Variants in CMPK1 observed in about 807,000 individuals in gnomAD.
CMPK1 encodes the protein UMP-CMP kinase.
In CMPK1, 10 loss-of-function variants were observed where a neutral mutation model predicts 25.7. The ratio of observed to expected loss-of-function variants is 0.39; its 90% CI spans 0.24 to 0.66. The LOEUF (loss-of-function observed/expected upper bound fraction) is 0.66. Ranked by LOEUF, CMPK1 falls within the 30% of genes least tolerant of loss-of-function variation. The pLI is 0.48. For synonymous variants in CMPK1, 106 were observed against 101.5 expected (o/e 1.04, Z -0.27); for missense variants, 199 against 280.5 (o/e 0.71, Z 2.08).
chr1:47,369,570 C>CT lies in CMPK1; in HGVS notation c.318+965dup, dbSNP rs1313035573. On this transcript the variant is annotated intron_variant, in intron 2 of 5. Transcript: ENST00000371873. ...TCCTTTTTTCTTTTTTGCTTGCTTTCTTTTTTTTTTGAGATAGAGTCTCGC... is the reference window on the plus strand; with the variant it reads ...TCCTTTTTTCTTTTTTGCTTGCTTTCTTTTTTTTTTTGAGATAGAGTCTCGC... Among the ~76,000 whole-genome samples, 262 of 149,584 alleles carry CT rather than the reference C, an allele frequency of 1.8e-3. 2 individuals carry two copies. Among genetic ancestry groups the CT allele is most frequent in the African/African-American group, 4.8e-3 (198 of 40,904 alleles).
intron 1 of CMPK1, among the ~76,000 whole-genome samples, chr1:47,334,679 C>G (rs993282780): frequency 6.6e-6 from 1 of 152,210 alleles, no homozygotes; most frequent in Admixed American, 6.5e-5. Context: ...CGCTGGCACT[C>G]TCGAGCCCCG....
At chr1:47,349,091 G>A (rs1646504130) in intron 1 of CMPK1, among the ~76,000 whole-genome samples, 1 of 152,186 alleles carries the variant, frequency 6.6e-6, no homozygotes, top group African/African-American at 2.4e-5. Flanking sequence ...CTGAATCAAG[G>A]TGGGTCAAAT....
chr1:47,359,032 G>A (rs1646582539), intron 1 of CMPK1, among the ~76,000 whole-genome samples: 1 of 152,102 alleles, frequency 6.6e-6, no homozygotes, highest in Admixed American at 6.6e-5. Flanking sequence ...TAAGAAAGAA[G>A]TACAGGCCAG....
intron 1 of CMPK1, among the ~76,000 whole-genome samples, chr1:47,355,758 C>T (rs566004938): frequency 3.0e-4 from 46 of 152,032 alleles, no homozygotes; most frequent in African/African-American, 1.1e-3. Flanking sequence ...AGGCATGTAC[C>T]ACCACACCTG....
chr1:47,378,731 C>A lies in CMPK1; in HGVS notation c.*1986C>A, dbSNP rs1402821724. The A allele has an allele frequency of 6.6e-6, 1 of 151,848 alleles. No individual in the cohort carries two copies. Among genetic ancestry groups the A allele is most frequent in the African/African-American group, 2.4e-5 (1 of 41,352 alleles). The allele number at this position is 151,848 out of a possible 1,614,324, so 9.4% of individuals were successfully genotyped here. Reference sequence around the variant, plus strand: ...GAATGTTTTGAGTTTTTTGAAAGACCCCAATTTAAGCCTTGCTTATTTTTA... The same window carrying A: ...GAATGTTTTGAGTTTTTTGAAAGACACCAATTTAAGCCTTGCTTATTTTTA... On this transcript the variant is annotated 3_prime_UTR_variant, in exon 6 of 6. Transcript: ENST00000371873.
chr1:47,348,429 C>T (rs185942136), intron 1 of CMPK1, among the ~76,000 whole-genome samples: 61 of 152,256 alleles, frequency 4.0e-4, no homozygotes, highest in Admixed American at 1.6e-3. Context: ...GCATTTAGAA[C>T]TTTAATAGGG....
chr1:47,363,331 T>A lies in CMPK1; in HGVS notation c.172-5138T>A, dbSNP rs540115044. 7.2e-5 allele frequency among the ~76,000 whole-genome samples: 11 copies of A among 152,264 alleles called. No homozygotes were observed. In the South Asian group the frequency reaches 1.9e-3, roughly 26 times the overall value. ...TTGTCTGTAACTGGTAAAAGTACTA[T>A]TAGAACTGTTTTGAGGTTGGGTGTG... On this transcript the variant is annotated intron_variant, in intron 1 of 5. Transcript: ENST00000371873.
At chr1:47,352,635 A>G (rs796523026) in intron 1 of CMPK1, among the ~76,000 whole-genome samples, 58 of 152,256 alleles carry the variant, frequency 3.8e-4, no homozygotes, top group African/African-American at 1.3e-3. Context: ...AAAGTCACCT[A>G]TTTTGTAAAT....
chr1:47,361,256 G>T (rs879391206), intron 1 of CMPK1, among the ~76,000 whole-genome samples: 2 of 152,136 alleles, frequency 1.3e-5, no homozygotes, highest in Non-Finnish European at 2.9e-5. Context: ...GGGCATGGTG[G>T]TGCGCACCTG....
At chr1:47,358,013 C>T (rs909989813) in intron 1 of CMPK1, among the ~76,000 whole-genome samples, 15 of 151,308 alleles carry the variant, frequency 9.9e-5, no homozygotes, top group African/African-American at 3.7e-4. Flanking sequence ...TGTAGTTAAG[C>T]CACTGATTAT....
At position 47,375,057 on chromosome 1, in the gene CMPK1, C is replaced by A; in HGVS notation, c.548+72C>A. ...TTATTTGGTACAGGAATAAAAGAGT[C>A]ACATTTAAACATGTAAAATGGCTTG... On this transcript the variant is annotated intron_variant, in intron 4 of 5. Coordinates refer to ENST00000371873, the MANE Select transcript of CMPK1 (RefSeq NM_016308.3). 2.2e-6 allele frequency: 3 copies of A among 1,350,690 alleles called. No individual in the cohort carries two copies. The South Asian group carries it at 3.5e-5, about 16-fold the overall frequency. The allele number at this position is 1,350,690 out of a possible 1,614,324, so 83.7% of individuals were successfully genotyped here. A position where few individuals can be genotyped will look rare whatever the true frequency, so the allele number is the denominator to read the frequency against.
chr1:47,357,152 A>G (rs1354575494), intron 1 of CMPK1, among the ~76,000 whole-genome samples: 1 of 151,620 alleles, frequency 6.6e-6, no homozygotes, highest in Non-Finnish European at 1.5e-5. Context: ...TTTAGTGGAG[A>G]TGGGGTTTCA....
chr1:47,334,074 C>A lies in CMPK1; in HGVS notation c.129C>A (p.Gly43=). 6.5e-7 allele frequency: 1 copy of A among 1,539,342 alleles called. No individual in the cohort carries two copies. The highest frequency in any genetic ancestry group is 8.8e-7 in the Non-Finnish European group (1 of 1,141,932). ...CGCTGGTCGTGTTCGTCCTCGGCGG[C>A]CCCGGCGCCGGCAAGGGGACCCAGT... The part of the protein sequence containing the change: ...MKPLVVFVLG[G]PGAGKGTQCA... Residue 43 remains glycine (G), a synonymous_variant, in exon 1 of 6, where the codon GGC becomes GGA. Coordinates refer to ENST00000371873, the MANE Select transcript of CMPK1 (RefSeq NM_016308.3).
In CMPK1 at chr1:47,365,633, C is replaced by CAAAAAA. The variant is rs10623948; in HGVS notation, c.172-2824_172-2819dup. Among the ~76,000 whole-genome samples, 923 of 108,346 alleles carry CAAAAAA rather than the reference C, an allele frequency of 8.5e-3. 41 individuals are homozygous for CAAAAAA. Among genetic ancestry groups the CAAAAAA allele is most frequent in the African/African-American group, 0.034 (868 of 25,830 alleles). The allele number at this position is 108,346 out of a possible 152,430, so 71.1% of individuals were successfully genotyped here. A position where few individuals can be genotyped will look rare whatever the true frequency, so the allele number is the denominator to read the frequency against. ...TGGGTGACAGAGTGAGACCCTGTCTCAAAAAAAAAAAAAAAAAGTGAGAGA... is the reference window on the plus strand; with the variant it reads ...TGGGTGACAGAGTGAGACCCTGTCTCAAAAAAAAAAAAAAAAAAAAAAAGTGAGAGA... On this transcript the variant is annotated intron_variant, in intron 1 of 5. Coordinates refer to ENST00000371873, the MANE Select transcript of CMPK1 (RefSeq NM_016308.3).
chr1:47,369,306 C>CA (rs1203681375), intron 2 of CMPK1, among the ~76,000 whole-genome samples: 1 of 152,068 alleles, frequency 6.6e-6, no homozygotes, highest in East Asian at 1.9e-4. Context: ...ACACCTAGCT[C>CA]AGAGTATTGA....
intron 1 of CMPK1, among the ~76,000 whole-genome samples, chr1:47,366,104 G>A (rs185639415): frequency 2.0e-5 from 3 of 152,300 alleles, no homozygotes; most frequent in East Asian, 1.9e-4. Context: ...TGAGGCACGC[G>A]AATTGCTTGA....
chr1:47,337,648 C>T (rs1646408948), intron 1 of CMPK1, among the ~76,000 whole-genome samples: 1 of 149,124 alleles, frequency 6.7e-6, no homozygotes, highest in Non-Finnish European at 1.5e-5. Context: ...AAGTGTCACG[C>T]TGTCGGCCAG....
chr1:47,341,822 C>T (rs759694720), intron 1 of CMPK1, among the ~76,000 whole-genome samples: 5 of 151,394 alleles, frequency 3.3e-5, no homozygotes, highest in African/African-American at 7.3e-5. Flanking sequence ...ACAGTTTCAC[C>T]GTGTTAGCCA....
chr1:47,354,527 G>A (rs1311226514), intron 1 of CMPK1, among the ~76,000 whole-genome samples: 1 of 151,320 alleles, frequency 6.6e-6, no homozygotes, highest in Non-Finnish European at 1.5e-5. Flanking sequence ...GTGCCTTTCT[G>A]GATGTATTTG....
Sources: gnomAD v4.1 joint callset for allele counts (sites outside exome capture counted in the v4.1 genomes callset) on GRCh38, gnomAD v4.1.1 for gene constraint, MANE v1.5 for transcripts, NCBI Gene and HGNC (gene_info 2026-07-23, HGNC 2026-07-21) for gene names.